Variants in SLCO3A1 observed in about 807,000 individuals in gnomAD.
The protein encoded by SLCO3A1 is PGE1 transporter.
In SLCO3A1, 27 loss-of-function variants were observed where a neutral mutation model predicts 63.1. The observed-to-expected ratio is 0.43, with a 90% confidence interval of 0.32 to 0.59. SLCO3A1 has a LOEUF of 0.59. Ranked by LOEUF, SLCO3A1 falls within the 20% of genes least tolerant of loss-of-function variation. The pLI, the probability that SLCO3A1 is intolerant of heterozygous loss-of-function variation, is 0.09. For missense variants in SLCO3A1, 773 were observed against 945.8 expected (o/e 0.82, Z 2.40); for synonymous variants, 473 against 409.9 (o/e 1.15, Z -1.86).
intron 2 of SLCO3A1, among the ~76,000 whole-genome samples, chr15:92,084,228 AAGC>A (rs2047379555): frequency 6.6e-6 from 1 of 152,244 alleles, no homozygotes; most frequent in South Asian, 2.1e-4. Flanking sequence ...TCTCTAAAAA[AAGC>A]AGAGTTTACC....
At chr15:91,908,400 G>A (rs1002105955) in intron 1 of SLCO3A1, 2 of 152,124 alleles carry the variant, frequency 1.3e-5, no homozygotes, top group Non-Finnish European at 2.9e-5. Context: ...TTGACTAAAT[G>A]TCTCTTTTCC....
chr15:91,940,075 G>C (rs1211334939), intron 2 of SLCO3A1, among the ~76,000 whole-genome samples: 1 of 152,062 alleles, frequency 6.6e-6, no homozygotes, highest in Non-Finnish European at 1.5e-5. Context: ...TCTTCCTTTT[G>C]TTGCCTTTCA....
At chr15:92,060,539 A>G (rs2047074666) in intron 2 of SLCO3A1, among the ~76,000 whole-genome samples, 1 of 150,204 alleles carries the variant, frequency 6.7e-6, no homozygotes, top group Non-Finnish European at 1.5e-5. Flanking sequence ...TCGCTCTGTC[A>G]CCCAGGCTGG....
intron 2 of SLCO3A1, among the ~76,000 whole-genome samples, chr15:91,926,596 T>TGTGTGTGTGCGTGTGCGC: frequency 9.5e-6 from 1 of 105,256 alleles, no homozygotes; most frequent in African/African-American, 3.7e-5. Context: ...TGTGTGTGTG[T>TGTGTGTGTGCGTGTGCGC]GCGCGCGCGC....
chr15:92,077,016 G>A (rs946939169), intron 2 of SLCO3A1, among the ~76,000 whole-genome samples: 2 of 152,212 alleles, frequency 1.3e-5, no homozygotes, highest in African/African-American at 2.4e-5. Context: ...AATCATGGCA[G>A]AAGAAGAAGC....
chr15:91,855,098 T>C (rs1011084929), intron 1 of SLCO3A1, among the ~76,000 whole-genome samples: 3 of 152,186 alleles, frequency 2.0e-5, no homozygotes, highest in South Asian at 2.1e-4. Flanking sequence ...TCAAATGTCA[T>C]AGACTTTGAG....
In SLCO3A1 at chr15:91,882,399, G is replaced by A. The variant is rs927708240; in HGVS notation, c.180+28311G>A. 6.6e-6 allele frequency among the ~76,000 whole-genome samples: 1 copy of A among 152,148 alleles called. No individual in the cohort carries two copies. Among genetic ancestry groups the A allele is most frequent in the Admixed American group, 6.5e-5 (1 of 15,278 alleles). On this transcript the variant is annotated intron_variant, in intron 1 of 9. Coordinates refer to ENST00000318445, the MANE Select transcript of SLCO3A1 (RefSeq NM_013272.4). This position sits in a 1 kb window ranked among gnomAD's most constrained non-coding sequence, Gnocchi z 4.4. The stretch of plus-strand genomic sequence containing the variant: ...CCAGTTTAAGGTTGGACACTTGGTA[G>A]CCTTTGGTAAATATTTACTAAATGA...
intron 9 of SLCO3A1, among the ~76,000 whole-genome samples, chr15:92,160,315 C>T (rs1004550890): frequency 2.6e-5 from 4 of 152,018 alleles, no homozygotes; most frequent in Admixed American, 1.3e-4. Flanking sequence ...ACATAAATAA[C>T]GTGGTGTGTG....
chr15:92,062,534 C>A (rs2047099350), intron 2 of SLCO3A1, among the ~76,000 whole-genome samples: 1 of 152,186 alleles, frequency 6.6e-6, no homozygotes, highest in Admixed American at 6.5e-5. Flanking sequence ...CTAGAGAAGG[C>A]AACTCTGTTG....
At chr15:91,888,266 G>A (rs1897776301) in intron 1 of SLCO3A1, among the ~76,000 whole-genome samples, 1 of 152,178 alleles carries the variant, frequency 6.6e-6, no homozygotes, top group South Asian at 2.1e-4. Context: ...AGTGTCATCT[G>A]AATGGGGTGT....
rs1491009073 is a variant in SLCO3A1, at chr15:91,857,034, G to GTGTC, written c.180+2949_180+2950insCTGT. Reference sequence around the variant, plus strand: ...CAACTTTGAGAAGGAGGACTCGTGTGTGTGTGTGTGTGTGTGTGTGTGTGT... The same window carrying GTGTC: ...CAACTTTGAGAAGGAGGACTCGTGTGTGTCTGTGTGTGTGTGTGTGTGTGTGTGT... On this transcript the variant is annotated intron_variant, in intron 1 of 9. Transcript: ENST00000318445. Among the ~76,000 whole-genome samples, 374 of 85,328 alleles carry GTGTC rather than the reference G, an allele frequency of 4.4e-3. 1 individual carries two copies. The African/African-American group carries it at 0.058, about 13-fold the overall frequency. The allele number at this position is 85,328 out of a possible 152,430, so 56.0% of individuals were successfully genotyped here.
rs544226472 is a variant in SLCO3A1 at position 91,985,653 on chromosome 15, A to G, written c.646+69195A>G. ...AGCTGTTCTGGTGGATACTGTCAGCATGGTCCTTACGTCAGACAATGGGGT... is the reference window on the plus strand; with the variant it reads ...AGCTGTTCTGGTGGATACTGTCAGCGTGGTCCTTACGTCAGACAATGGGGT... On this transcript the variant is annotated intron_variant, in intron 2 of 9. Coordinates refer to ENST00000318445, the MANE Select transcript of SLCO3A1 (RefSeq NM_013272.4). 2.0e-5 allele frequency among the ~76,000 whole-genome samples: 3 copies of G among 152,300 alleles called. No homozygotes were observed. In the South Asian group the frequency reaches 6.2e-4, roughly 32 times the overall value.
Position 92,120,477 on chromosome 15 carries a change from T to C in SLCO3A1, c.1022T>C (p.Val341Ala). 1 of 1,613,996 alleles carries C rather than the reference T, an allele frequency of 6.2e-7. No individual in the cohort carries two copies. The highest frequency in any genetic ancestry group is 8.5e-7 in the Non-Finnish European group (1 of 1,179,954). ...TGTCTCCCTGCAGTGATCCCGAAGG[T>C]CACCAAGCACCTGCTCTCAAACCCT... ...CFQQLRVIPK[V>A]TKHLLSNPVF... The change falls in exon 5 of 10, where the codon GTC (valine) becomes GCC (alanine). Residue 341 changes from valine (V) to alanine (A), a missense_variant. Val to Ala is a moderately conservative substitution (Grantham distance 64). Around this residue, in one of 3 missense-constraint regions of SLCO3A1, gnomAD observed 565 missense variants for 749.8 expected, o/e 0.75. Coordinates refer to ENST00000318445, the MANE Select transcript of SLCO3A1 (RefSeq NM_013272.4).
intron 2 of SLCO3A1, among the ~76,000 whole-genome samples, chr15:92,048,968 G>T (rs564183348): frequency 6.6e-5 from 10 of 152,204 alleles, no homozygotes; most frequent in African/African-American, 1.9e-4. Flanking sequence ...TCCATGAAAT[G>T]ATTGGCTTTA....
intron 2 of SLCO3A1, among the ~76,000 whole-genome samples, chr15:92,001,966 A>G (rs2151454145): frequency 6.6e-6 from 1 of 151,420 alleles, no homozygotes; most frequent in Middle Eastern, 3.4e-3. Flanking sequence ...TACCTGCTCA[A>G]TGCAGGTCCC....
intron 2 of SLCO3A1, among the ~76,000 whole-genome samples, chr15:92,042,971 G>A (rs2046817545): frequency 6.6e-6 from 1 of 152,130 alleles, no homozygotes; most frequent in Admixed American, 6.5e-5. Flanking sequence ...AGATAAGAGA[G>A]AGATTCTAGA....
rs758860169 is a variant in SLCO3A1, at chr15:91,916,395, C to T, written c.583C>T (p.Gln195Ter). 6.2e-7 allele frequency: 1 copy of T among 1,613,058 alleles called. No individual in the cohort carries two copies. The highest frequency in any genetic ancestry group is 1.7e-5 in the Admixed American group (1 of 59,932). ...CCTGGGCATCGGTGCTACCCCTGTG[C>T]AGCCCCTGGGCGTCTCCTACATCGA... ...VLLGIGATPV[Q>*]PLGVSYIDDH... Residue 195 changes from glutamine to a stop codon, truncating the protein, a stop_gained, in exon 2 of 10, where the codon CAG becomes TAG. Coordinates refer to ENST00000318445, the MANE Select transcript of SLCO3A1 (RefSeq NM_013272.4). LOFTEE classifies it high-confidence loss of function. The surrounding 1 kb of genome is among the most constrained non-coding windows in gnomAD (Gnocchi z 6.2).
At chr15:92,110,192 C>T (rs1435719355) in intron 4 of SLCO3A1, among the ~76,000 whole-genome samples, 1 of 152,172 alleles carries the variant, frequency 6.6e-6, no homozygotes, top group Non-Finnish European at 1.5e-5. Context: ...CTCCCCTCCC[C>T]TCCAGCAATG....
intron 2 of SLCO3A1, among the ~76,000 whole-genome samples, chr15:92,031,129 G>A (rs752944542): frequency 2.0e-5 from 3 of 152,058 alleles, no homozygotes; most frequent in Non-Finnish European, 2.9e-5. Context: ...ATCCGCTAAG[G>A]CTTTATTTAG....
Sources: gnomAD v4.1 joint callset for allele counts (sites outside exome capture counted in the v4.1 genomes callset) on GRCh38, gnomAD v4.1.1 for gene constraint, gnomAD v4.1.1 regional missense constraint, Gnocchi (gnomAD v3.1) non-coding constraint, MANE v1.5 for transcripts, NCBI Gene and HGNC (gene_info 2026-07-23, HGNC 2026-07-21) for gene names.